The following GRAMD2B variants were observed in gnomAD, a reference collection of about 807,000 sequenced individuals.
The protein encoded by GRAMD2B is GRAM domain containing 2B.
Under a neutral mutation model 59.2 loss-of-function variants are expected in GRAMD2B, and 41 were observed. The observed-to-expected ratio is 0.69, with a 90% CI of 0.54 to 0.90. The LOEUF (loss-of-function observed/expected upper bound fraction) is 0.90, where lower values mean the gene tolerates loss of function less well. Among genes scored for constraint, GRAMD2B ranks in the 40% least tolerant of loss-of-function variants. The pLI, the probability that GRAMD2B is intolerant of heterozygous loss-of-function variation, is 0.00. For synonymous variants in GRAMD2B, 161 were observed against 182.7 expected (o/e 0.88, Z 0.96); for missense variants, 424 against 500.5 (o/e 0.85, Z 1.46).
chr5:126,414,759 A>T (rs1759113910), intron 1 of GRAMD2B, among the ~76,000 whole-genome samples: 1 of 152,122 alleles, frequency 6.6e-6, no homozygotes, highest in Non-Finnish European at 1.5e-5. Flanking sequence ...ATGAGCCACC[A>T]TGCCCCGCCT....
intron 1 of GRAMD2B, among the ~76,000 whole-genome samples, chr5:126,387,735 T>C (rs1282957719): frequency 6.6e-6 from 1 of 151,826 alleles, no homozygotes; most frequent in Non-Finnish European, 1.5e-5. Flanking sequence ...TGTCAGACAA[T>C]GGAGGAACAG....
intron 4 of GRAMD2B, among the ~76,000 whole-genome samples, chr5:126,472,704 T>C (rs1315054697): frequency 6.6e-6 from 1 of 152,048 alleles, no homozygotes; most frequent in Non-Finnish European, 1.5e-5. Context: ...CTATGAAGGG[T>C]AAGATAGTCA....
At chr5:126,404,507 C>T (rs1237633703) in intron 1 of GRAMD2B, among the ~76,000 whole-genome samples, 1 of 151,806 alleles carries the variant, frequency 6.6e-6, no homozygotes, top group East Asian at 1.9e-4. Context: ...TGCAGCTACT[C>T]CTATATTTTC....
In GRAMD2B at chr5:126,480,467, C is replaced by G. The variant is rs1332767806; in HGVS notation, c.594C>G (p.Val198=). 3 of 1,610,152 alleles carry G rather than the reference C, an allele frequency of 1.9e-6. No homozygotes were observed. The highest frequency in any genetic ancestry group is 1.1e-5 in the South Asian group (1 of 90,990). The change falls in exon 7 of 14, where the codon GTC becomes GTG. Residue 198 remains valine (V), a synonymous_variant. Coordinates refer to ENST00000285689, the MANE Select transcript of GRAMD2B (RefSeq NM_023927.4). The part of the protein sequence containing the change: ...IATVTDRYIF[V]SLLSRDSTYK... ...GTTTTGTTTTTCAGTACATATTTGT[C>G]TCCTTACTCTCCAGAGATTCAACTT...
chr5:126,434,321 T>C (rs1055425386), intron 1 of GRAMD2B, among the ~76,000 whole-genome samples: 6 of 152,124 alleles, frequency 3.9e-5, no homozygotes, highest in East Asian at 1.9e-4. Context: ...TTTTTAAATG[T>C]CCATGAGCTT....
chr5:126,367,593 C>T (rs967247951), upstream of GRAMD2B, among the ~76,000 whole-genome samples: 4 of 152,132 alleles, frequency 2.6e-5, no homozygotes, highest in East Asian at 7.7e-4. Flanking sequence ...ATCCAGAATG[C>T]TCGGATATAA....
intron 1 of GRAMD2B, among the ~76,000 whole-genome samples, chr5:126,439,006 C>G (rs1239683235): frequency 1.3e-5 from 2 of 152,108 alleles, no homozygotes; most frequent in East Asian, 3.9e-4. Flanking sequence ...ACAAAACATT[C>G]CTGTACACAA....
intron 1 of GRAMD2B, among the ~76,000 whole-genome samples, chr5:126,443,002 C>G (rs73334437): frequency 2.0e-5 from 3 of 152,090 alleles, no homozygotes; most frequent in Admixed American, 2.0e-4. Flanking sequence ...ACAGATTGAT[C>G]ATTAATGGGG....
intron 1 of GRAMD2B, among the ~76,000 whole-genome samples, chr5:126,398,801 AT>A (rs1312757912): frequency 1.3e-5 from 2 of 151,834 alleles, no homozygotes; most frequent in African/African-American, 4.8e-5. Flanking sequence ...GTTGTGTTTC[AT>A]TTTGCTTTGT....
intron 12 of GRAMD2B, among the ~76,000 whole-genome samples, chr5:126,487,302 G>A (rs1019240721): frequency 6.6e-6 from 1 of 152,002 alleles, no homozygotes; most frequent in Non-Finnish European, 1.5e-5. Context: ...TAGTAAAATG[G>A]CAATAAATCA....
intron 2 of GRAMD2B, 120 bp from the exon 3 acceptor site, chr5:126,469,557 T>C: frequency 1.5e-6 from 1 of 688,540 alleles, no homozygotes; most frequent in South Asian, 1.8e-5. Context: ...ATCGCTTGAG[T>C]CCTGGACGGG....
intron 1 of GRAMD2B, among the ~76,000 whole-genome samples, chr5:126,457,162 A>G (rs13168955): frequency 0.87 from 122,236 of 140,634 alleles, 54,135 homozygotes; most frequent in East Asian, 0.99. Flanking sequence ...ACTGCACTCC[A>G]GCAGAGGCGA....
intron 1 of GRAMD2B, among the ~76,000 whole-genome samples, chr5:126,389,199 C>A (rs1756476596): frequency 1.3e-5 from 2 of 152,156 alleles, no homozygotes; most frequent in Non-Finnish European, 2.9e-5. Context: ...TGAAAGCTTA[C>A]CCCTCATAGG....
rs114345581 is a variant in GRAMD2B, at chr5:126,415,041, C to T, written c.125+43474C>T. Among the ~76,000 whole-genome samples, 251 of 152,278 alleles carry T rather than the reference C, an allele frequency of 1.6e-3. 2 individuals carry two copies. Among genetic ancestry groups the T allele is most frequent in the African/African-American group, 5.8e-3 (240 of 41,566 alleles). ...TTCCTTAAGGCCAGTAGTTCTATTACTTCAGTGCTGTATTCCATTAATAGA... is the reference window on the plus strand; with the variant it reads ...TTCCTTAAGGCCAGTAGTTCTATTATTTCAGTGCTGTATTCCATTAATAGA... On this transcript the variant is annotated intron_variant, in intron 1 of 8. Coordinates refer to the GRAMD2B transcript ENST00000506445.
chr5:126,362,748 C>G (rs1478421942), intron 1 of GRAMD2B, among the ~76,000 whole-genome samples: 1 of 152,128 alleles, frequency 6.6e-6, no homozygotes, highest in Non-Finnish European at 1.5e-5. Context: ...AAAAGAATAG[C>G]CTTTTCAACA....
chr5:126,446,008 A>C (rs952340870), intron 1 of GRAMD2B, among the ~76,000 whole-genome samples: 1 of 152,190 alleles, frequency 6.6e-6, no homozygotes, highest in African/African-American at 2.4e-5. Flanking sequence ...GAACTCTCCC[A>C]AGTCCCCTAC....
At position 126,484,470 on chromosome 5, in the gene GRAMD2B, G is replaced by A. The variant is rs749052900; in HGVS notation, c.916G>A (p.Asp306Asn). 10 of 1,614,168 alleles carry A rather than the reference G, an allele frequency of 6.2e-6. 1 individual carries two copies. In the South Asian group the frequency reaches 9.9e-5, roughly 16 times the overall value. Residue 306 changes from aspartate (D) to asparagine (N), a missense_variant, in exon 10 of 14, where the codon GAT becomes AAT. Coordinates refer to ENST00000285689, the MANE Select transcript of GRAMD2B (RefSeq NM_023927.4). Reference sequence around the variant, plus strand: ...GGGAGAAGCAAAGCCAACTCGGGCAGATGCCCATGTGAACAGAGTACCTGA... The same window carrying A: ...GGGAGAAGCAAAGCCAACTCGGGCAAATGCCCATGTGAACAGAGTACCTGA... ...SKGEAKPTRA[D>N]AHVNRVPEGK...
At chr5:126,393,586 A>T (rs1384358204) in intron 1 of GRAMD2B, among the ~76,000 whole-genome samples, 1 of 152,170 alleles carries the variant, frequency 6.6e-6, no homozygotes, top group African/African-American at 2.4e-5. Context: ...CTTCTCCAGA[A>T]CCAGACTTAG....
chr5:126,364,768 A>G (rs1754365044), intron 1 of GRAMD2B, among the ~76,000 whole-genome samples: 1 of 152,208 alleles, frequency 6.6e-6, no homozygotes, highest in Non-Finnish European at 1.5e-5. Context: ...TATATCCTCT[A>G]TCATCTAGTT....
Sources: gnomAD v4.1 joint callset for allele counts (sites outside exome capture counted in the v4.1 genomes callset) on GRCh38, gnomAD v4.1.1 for gene constraint, MANE v1.5 for transcripts, NCBI Gene and HGNC (gene_info 2026-07-23, HGNC 2026-07-21) for gene names.